MLXIP: variants seen among roughly 807,000 people sequenced by gnomAD.
MLXIP encodes the protein MLX-interacting protein.
A neutral mutation model predicts 87.2 loss-of-function variants in MLXIP; 30 were observed. That is an observed-to-expected ratio of 0.34 (90% CI 0.26 to 0.47). The LOEUF is 0.47. MLXIP is among the 20% of genes least tolerant of loss of function. The pLI is 1.00. For synonymous variants in MLXIP, 530 were observed against 514.0 expected, an observed-to-expected ratio of 1.03 and a Z score of -0.42; for missense variants, 1,002 against 1,240.1, an observed-to-expected ratio of 0.81 and a Z score of 2.88.
chr12:122,133,728 C>T lies in MLXIP; in HGVS notation c.1473C>T (p.Thr491=). 1 of 1,613,724 alleles carries T rather than the reference C, an allele frequency of 6.2e-7. No homozygotes were observed. Residue 491 remains threonine (T), a synonymous_variant, in exon 9 of 17, where the codon ACC becomes ACT. Coordinates refer to ENST00000319080, the MANE Select transcript of MLXIP (RefSeq NM_014938.6). This position sits in a 1 kb window ranked among gnomAD's most constrained non-coding sequence, Gnocchi z 4.9. The part of the protein sequence containing the change: ...PSVITHTASA[T]LTHDAPATTF... ...TCATCACCCACACGGCCTCTGCCACCCTCACCCACGATGCCCCCGCCACCA... is the reference window on the plus strand; with the variant it reads ...TCATCACCCACACGGCCTCTGCCACTCTCACCCACGATGCCCCCGCCACCA...
chr12:122,111,092 A>C (rs957223002), intron 1 of MLXIP, among the ~76,000 whole-genome samples: 1 of 151,708 alleles, frequency 6.6e-6, no homozygotes, highest in African/African-American at 2.4e-5. Context: ...AAAAAAAAAA[A>C]AAGTCTATTT....
At chr12:122,082,090 T>C (rs1052851402) in intron 1 of MLXIP, among the ~76,000 whole-genome samples, 1 of 152,226 alleles carries the variant, frequency 6.6e-6, no homozygotes, top group African/African-American at 2.4e-5. Context: ...GATCCATTCC[T>C]GAACTGGCAG....
At chr12:122,112,477 A>G (rs1952618843) in intron 1 of MLXIP, among the ~76,000 whole-genome samples, 1 of 151,966 alleles carries the variant, frequency 6.6e-6, no homozygotes, top group African/African-American at 2.4e-5. Context: ...TCTCTACTAA[A>G]AATATATATA....
chr12:122,093,511 G>T (rs1389988532), intron 1 of MLXIP, among the ~76,000 whole-genome samples: 1 of 146,318 alleles, frequency 6.8e-6, no homozygotes, highest in African/African-American at 2.5e-5. Flanking sequence ...GTCTGTGTTG[G>T]TGTGTGTGGA....
intron 6 of MLXIP, among the ~76,000 whole-genome samples, chr12:122,130,402 G>A (rs1221053180): frequency 1.3e-5 from 2 of 151,878 alleles, no homozygotes; most frequent in South Asian, 2.1e-4. Flanking sequence ...TTCAGATACC[G>A]TTCTCTTCAC....
At chr12:122,118,930 G>T (rs1196764198) in intron 1 of MLXIP, among the ~76,000 whole-genome samples, 1 of 151,784 alleles carries the variant, frequency 6.6e-6, no homozygotes, top group Non-Finnish European at 1.5e-5. Context: ...ACTTTGGGAG[G>T]TCGAAGCGGG....
rs895549053 is a variant in MLXIP, at chr12:122,142,945, G to A, written c.*1133G>A. 1.3e-5 allele frequency: 2 copies of A among 153,296 alleles called. No homozygotes were observed. Among genetic ancestry groups the A allele is most frequent in the African/African-American group, 4.8e-5 (2 of 41,458 alleles). 9.5% of individuals were successfully genotyped at this position (153,296 alleles called of 1,614,324 possible). Reference sequence around the variant, plus strand: ...AAGAATCTACCCAGATCTGGGCTGGGTGGAGGTGTGGCTGGGCTGGGGGCC... The same window carrying A: ...AAGAATCTACCCAGATCTGGGCTGGATGGAGGTGTGGCTGGGCTGGGGGCC... On this transcript the variant is annotated 3_prime_UTR_variant, in exon 17 of 17. Coordinates refer to ENST00000319080, the MANE Select transcript of MLXIP (RefSeq NM_014938.6).
chr12:122,127,614 G>A (rs978505981), intron 2 of MLXIP, among the ~76,000 whole-genome samples: 7 of 152,208 alleles, frequency 4.6e-5, no homozygotes, highest in African/African-American at 1.4e-4. Flanking sequence ...TAGCTTCTCC[G>A]GGAGATGAGT....
intron 15 of MLXIP, 167 bp downstream of exon 15, chr12:122,139,105 C>T: frequency 5.9e-6 from 4 of 678,416 alleles, no homozygotes; most frequent in Non-Finnish European, 5.5e-6. Flanking sequence ...TCCGGCCTGG[C>T]CTGCTGTGTG....
intron 15 of MLXIP, among the ~76,000 whole-genome samples, chr12:122,139,705 C>T (rs112004400): frequency 0.011 from 1,752 of 152,348 alleles, 31 homozygotes; most frequent in African/African-American, 0.04. Context: ...CAGGGTCTCA[C>T]TCTGTCACCC....
At chr12:122,080,612 G>A (rs1467425292) in intron 1 of MLXIP, among the ~76,000 whole-genome samples, 1 of 152,062 alleles carries the variant, frequency 6.6e-6, no homozygotes, top group African/African-American at 2.4e-5. Context: ...ATCTGTTCCC[G>A]TAGCTCCTCC....
At chr12:122,102,564 C>T (rs1952453357) in intron 1 of MLXIP, among the ~76,000 whole-genome samples, 1 of 152,178 alleles carries the variant, frequency 6.6e-6, no homozygotes, top group Non-Finnish European at 1.5e-5. Flanking sequence ...CTAAGAATCT[C>T]CCCAAGAGAA....
intron 15 of MLXIP, chr12:122,140,689 G>T: frequency 1.8e-6 from 1 of 548,120 alleles, no homozygotes; most frequent in South Asian, 1.9e-5. Flanking sequence ...ACCTGTTCCA[G>T]ACTAGAGACC....
intron 3 of MLXIP, 135 bp from the exon 4 acceptor site, chr12:122,129,002 G>A: frequency 1.5e-6 from 1 of 682,414 alleles, no homozygotes; most frequent in South Asian, 1.7e-5. Context: ...CTTTCTGAGT[G>A]ATGTGGTAGC....
At position 122,142,201 on chromosome 12, in the gene MLXIP, A is replaced by T. The variant is rs1256197594; in HGVS notation, c.*389A>T. On this transcript the variant is annotated 3_prime_UTR_variant, in exon 17 of 17. Coordinates refer to ENST00000319080, the MANE Select transcript of MLXIP (RefSeq NM_014938.6). ...AGGGCCTGCTCCTGTCCTGAGGCCC[A>T]GCCTTGTCCCTCCTGCCACGTCCTG... The T allele has an allele frequency of 2.9e-6, 2 of 701,122 alleles. No homozygotes were observed. The highest frequency in any genetic ancestry group is 1.5e-5 in the South Asian group (1 of 66,754). The allele number at this position is 701,122 out of a possible 1,614,324, so 43.4% of individuals were successfully genotyped here.
Position 122,108,749 on chromosome 12 carries a change from C to T in MLXIP, c.414-18507C>T, listed in dbSNP as rs552245171. ...GGAACCAGCAGTACATCAGGGACTT[C>T]GGTTTTGAGAAATGAGTGCCCATCA... On this transcript the variant is annotated intron_variant, in intron 1 of 16. Transcript: ENST00000319080. 2.8e-4 allele frequency among the ~76,000 whole-genome samples: 43 copies of T among 152,230 alleles called. No individual in the cohort carries two copies. The South Asian group carries it at 8.3e-3, about 29-fold the overall frequency.
chr12:122,092,632 C>A (rs1402241661), intron 1 of MLXIP, among the ~76,000 whole-genome samples: 3 of 152,076 alleles, frequency 2.0e-5, no homozygotes, highest in Non-Finnish European at 4.4e-5. Flanking sequence ...TTGTGAAATT[C>A]TTGGACTATA....
intron 1 of MLXIP, among the ~76,000 whole-genome samples, chr12:122,093,314 TGC>T: frequency 6.8e-6 from 1 of 147,528 alleles, no homozygotes; most frequent in East Asian, 2.0e-4. Flanking sequence ...GTGGTGTGGG[TGC>T]GTGGAATGTG....
At chr12:122,134,280 C>T in intron 9 of MLXIP, 1 of 405,150 alleles carries the variant, frequency 2.5e-6, no homozygotes, top group Non-Finnish European at 4.4e-6. Flanking sequence ...CTGCAACCGC[C>T]CCCTCCCGGG....
Sources: allele counts gnomAD v4.1 joint callset (sites outside exome capture counted in the v4.1 genomes callset), GRCh38; gene constraint gnomAD v4.1.1; non-coding constraint Gnocchi (gnomAD v3.1); transcripts MANE v1.5; gene names NCBI Gene and HGNC (gene_info 2026-07-23, HGNC 2026-07-21).